The following UVRAG variants were observed in gnomAD, a reference collection of about 807,000 sequenced individuals.
UVRAG encodes the protein UV radiation resistance-associated gene protein.
Under a neutral mutation model 78.0 loss-of-function variants are expected in UVRAG, and 19 were observed. The observed-to-expected ratio is 0.24, with a 90% CI of 0.17 to 0.36. The LOEUF is 0.36. Among genes scored for constraint, UVRAG ranks in the 10% least tolerant of loss-of-function variants. UVRAG has a pLI of 1.00. For missense variants in UVRAG, 740 were observed against 853.8 expected, an observed-to-expected ratio of 0.87 and a Z score of 1.66; for synonymous variants, 323 against 324.6, an observed-to-expected ratio of 1.00 and a Z score of 0.05.
chr11:75,848,196 C>CAA (rs367973408), intron 1 of UVRAG, among the ~76,000 whole-genome samples: 3 of 116,360 alleles, frequency 2.6e-5, no homozygotes, highest in Non-Finnish European at 3.8e-5. Flanking sequence ...GACCCTGTCT[C>CAA]AAAAAAAAAA....
intron 8 of UVRAG, among the ~76,000 whole-genome samples, chr11:75,996,890 C>G (rs538611358): frequency 6.6e-5 from 10 of 152,256 alleles, no homozygotes; most frequent in Admixed American, 3.3e-4. Context: ...TAGCTCTGAC[C>G]TCAGCTGTCA....
At chr11:76,076,532 C>T (rs892937244) in intron 13 of UVRAG, among the ~76,000 whole-genome samples, 2 of 152,136 alleles carry the variant, frequency 1.3e-5, no homozygotes, top group Non-Finnish European at 2.9e-5. Flanking sequence ...TCCCATGACA[C>T]GTGGAATTAT....
chr11:75,877,693 G>T lies in UVRAG; in HGVS notation c.271-2186G>T, dbSNP rs545830491. 5.6e-3 allele frequency among the ~76,000 whole-genome samples: 698 copies of T among 125,206 alleles called. 18 individuals carry two copies. The highest frequency in any genetic ancestry group is 0.011 in the African/African-American group (341 of 30,496). The allele number at this position is 125,206 out of a possible 152,430, so 82.1% of individuals were successfully genotyped here. On this transcript the variant is annotated intron_variant, in intron 3 of 14. Coordinates refer to ENST00000356136, the MANE Select transcript of UVRAG (RefSeq NM_003369.4). ...TCCCAGTAGGGGCGGCTGGGCAGAG[G>T]CGCCCCTCACCTCCTGGACGGGGCG...
chr11:75,909,634 T>A (rs1053169015), intron 5 of UVRAG, among the ~76,000 whole-genome samples: 10 of 152,250 alleles, frequency 6.6e-5, no homozygotes, highest in African/African-American at 2.4e-4. Flanking sequence ...ACAGATTGCA[T>A]CTTTATAATG....
At chr11:76,003,288 T>TTTTTTTTG (rs1491521163) in intron 8 of UVRAG, among the ~76,000 whole-genome samples, 4 of 62,472 alleles carry the variant, frequency 6.4e-5, no homozygotes, top group African/African-American at 2.4e-4. Flanking sequence ...TTTTTTTTTT[T>TTTTTTTTG]GGAGACAGAG....
chr11:76,116,701 G>A (rs1308567825), intron 14 of UVRAG, among the ~76,000 whole-genome samples: 1 of 152,226 alleles, frequency 6.6e-6, no homozygotes, highest in Admixed American at 6.5e-5. Context: ...GTAGTGGGCA[G>A]TAACTTACAA....
chr11:76,138,932 A>G (rs1952648724), intron 14 of UVRAG, among the ~76,000 whole-genome samples: 1 of 152,244 alleles, frequency 6.6e-6, no homozygotes, highest in East Asian at 1.9e-4. Context: ...AAAAATGTGT[A>G]GCTTACCCAA....
rs1055406883 is a variant in UVRAG, at chr11:75,994,834, G to A, written c.827-9171G>A. On this transcript the variant is annotated intron_variant, in intron 8 of 14. Coordinates refer to ENST00000356136, the MANE Select transcript of UVRAG (RefSeq NM_003369.4). ...TGTTTTTCTATTTGGCCTGTGAGGTGTTAGCTAGAGAACTTTGTTTTGCTT... is the reference window on the plus strand; with the variant it reads ...TGTTTTTCTATTTGGCCTGTGAGGTATTAGCTAGAGAACTTTGTTTTGCTT... Among the ~76,000 whole-genome samples, 15 of 152,304 alleles carry A rather than the reference G, an allele frequency of 9.8e-5. No homozygotes were observed. The Middle Eastern group carries it at 0.01, about 104-fold the overall frequency.
chr11:75,982,202 G>A (rs750962015), intron 7 of UVRAG, among the ~76,000 whole-genome samples: 7 of 152,162 alleles, frequency 4.6e-5, no homozygotes, highest in Non-Finnish European at 7.4e-5. Context: ...CTCTCTGGTA[G>A]GGGAAAGAAG....
At position 75,975,311 on chromosome 11, in the gene UVRAG, T is replaced by G. The variant is rs549078542; in HGVS notation, c.700-8076T>G. On this transcript the variant is annotated intron_variant, in intron 7 of 14. Transcript: ENST00000356136. ...AAGTCAGGTATTGTGATGCCTCTAG[T>G]TTTGTTCTTTTGGCTTAGGATTGTC... 1.8e-3 allele frequency among the ~76,000 whole-genome samples: 270 copies of G among 152,216 alleles called. 1 individual carries two copies. The highest frequency in any genetic ancestry group is 2.9e-3 in the Non-Finnish European group (200 of 68,010).
At chr11:75,890,577 T>C (rs1298462811) in intron 5 of UVRAG, among the ~76,000 whole-genome samples, 1 of 152,092 alleles carries the variant, frequency 6.6e-6, no homozygotes, top group Non-Finnish European at 1.5e-5. Context: ...AGATTGTGAG[T>C]TGCGATTTGA....
intron 3 of UVRAG, among the ~76,000 whole-genome samples, chr11:75,877,343 C>A (rs1286562801): frequency 6.6e-6 from 1 of 152,160 alleles, no homozygotes; most frequent in Non-Finnish European, 1.5e-5. Context: ...TCATCATGGC[C>A]CGTTCTCAAT....
Position 75,969,416 on chromosome 11 carries a change from G to A in UVRAG, c.699+7867G>A, listed in dbSNP as rs140995616. ...TTGATAGACACTGGGTTGCTTCTGC[G>A]TCTTAGAACCTTGTGGACTTTTGGT... On this transcript the variant is annotated intron_variant, in intron 7 of 14. Transcript: ENST00000356136. 1.1e-3 allele frequency among the ~76,000 whole-genome samples: 170 copies of A among 152,248 alleles called. 1 individual carries two copies. The highest frequency in any genetic ancestry group is 3.6e-3 in the Admixed American group (55 of 15,300).
At chr11:75,931,717 TA>T (rs1172442718) in intron 6 of UVRAG, among the ~76,000 whole-genome samples, 2 of 152,192 alleles carry the variant, frequency 1.3e-5, no homozygotes, top group Non-Finnish European at 2.9e-5. Flanking sequence ...ACAAAAACAT[TA>T]AATAGTGATT....
chr11:75,825,188 A>G, intron 1 of UVRAG, among the ~76,000 whole-genome samples: 1 of 151,614 alleles, frequency 6.6e-6, no homozygotes. Flanking sequence ...AGCTCACTGC[A>G]ACCTCTGCCT....
At position 76,107,097 on chromosome 11, in the gene UVRAG, T is replaced by G. The variant is rs543315818; in HGVS notation, c.1306-8827T>G. 2.6e-5 allele frequency among the ~76,000 whole-genome samples: 4 copies of G among 152,338 alleles called. No homozygotes were observed. The East Asian group carries it at 7.7e-4, about 29-fold the overall frequency. ...ATAGAGACTACACTAACAGGTTGAC[T>G]CCAGAGTTGCATGAGTTTAATAGTG... On this transcript the variant is annotated intron_variant, in intron 13 of 14. Transcript: ENST00000356136.
chr11:76,024,672 A>G (rs1392518337), intron 12 of UVRAG, among the ~76,000 whole-genome samples: 1 of 152,158 alleles, frequency 6.6e-6, no homozygotes, highest in Non-Finnish European at 1.5e-5. Context: ...AGCTGGTTTT[A>G]TGCATTTTTG....
chr11:76,067,758 C>T (rs1403240041), intron 13 of UVRAG, among the ~76,000 whole-genome samples: 1 of 139,698 alleles, frequency 7.2e-6, no homozygotes. Flanking sequence ...GATTCTGTCT[C>T]AAAAAAAAAA....
Position 75,827,607 on chromosome 11 carries a change from G to A in UVRAG, c.117+12083G>A, listed in dbSNP as rs11236544. On this transcript the variant is annotated intron_variant, in intron 1 of 14. Coordinates refer to ENST00000356136, the MANE Select transcript of UVRAG (RefSeq NM_003369.4). The stretch of plus-strand genomic sequence containing the variant: ...GCCTGGGCGACAAGAGCAAAACTCC[G>A]TCTCAAAAACAAACAAACAAACAAA... Among the ~76,000 whole-genome samples, 14 of 150,000 alleles carry A rather than the reference G, an allele frequency of 9.3e-5. No homozygotes were observed. In the East Asian group the frequency reaches 1.7e-3, roughly 19 times the overall value.
Sources: allele counts gnomAD v4.1 joint callset (sites outside exome capture counted in the v4.1 genomes callset), GRCh38; gene constraint gnomAD v4.1.1; transcripts MANE v1.5; gene names NCBI Gene and HGNC (gene_info 2026-07-23, HGNC 2026-07-21).